The following DCAF1 variants were observed in gnomAD, a reference collection of about 807,000 sequenced individuals.
The protein encoded by DCAF1 is DDB1 and CUL4 associated factor 1.
Under a neutral mutation model 128.0 loss-of-function variants are expected in DCAF1, and 15 were observed. The observed-to-expected ratio is 0.12, with a 90% CI of 0.08 to 0.18. The LOEUF is 0.18. DCAF1 is among the 10% of genes least tolerant of loss of function. The probability of loss-of-function intolerance (pLI) is 1.00; values close to 1 mark genes in which losing one functional copy is unlikely to be tolerated. For missense variants in DCAF1, 988 were observed against 1,649.5 expected, an observed-to-expected ratio of 0.60 and a Z score of 6.95; for synonymous variants, 610 against 603.0, an observed-to-expected ratio of 1.01 and a Z score of -0.17.
intron 23 of DCAF1, among the ~76,000 whole-genome samples, chr3:51,404,844 A>G (rs998255411): frequency 7.2e-5 from 11 of 152,178 alleles, no homozygotes; most frequent in Non-Finnish European, 1.3e-4. Context: ...GTGGATAAAT[A>G]ACTACTAAGC....
chr3:51,414,122 T>TA (rs1439104289), intron 19 of DCAF1, 79 bp from the exon 20 acceptor site: 41 of 1,454,656 alleles, frequency 2.8e-5, no homozygotes, highest in Middle Eastern at 1.8e-4. Flanking sequence ...AAAATATCAC[T>TA]TTTTTTCCTC....
chr3:51,492,375 A>G (rs995361985), intron 2 of DCAF1, among the ~76,000 whole-genome samples: 1 of 150,876 alleles, frequency 6.6e-6, no homozygotes, highest in Non-Finnish European at 1.5e-5. Context: ...AGAGCTGGGC[A>G]TGGTGGCAGG....
Position 51,483,740 on chromosome 3 carries a change from T to C in DCAF1, c.89A>G (p.Asp30Gly). 1.2e-6 allele frequency: 2 copies of C among 1,613,740 alleles called. No homozygotes were observed. Among genetic ancestry groups the C allele is most frequent in the South Asian group, 2.2e-5 (2 of 91,080 alleles). The stretch of plus-strand genomic sequence containing the variant: ...ATACCTGGTAAGGATAGGTACCATG[T>C]CCTGCCCACTGCCATGTTCCTTTTC... ...QWEKEHGSGQ[D>G]MVPILTRMSQ... Residue 30 changes from aspartate to glycine, a missense_variant, in exon 3 of 25, where the codon GAC (aspartate) becomes GGC (glycine). By Grantham distance (94) the Asp-to-Gly change is moderately conservative. This residue lies in a region of DCAF1 where 48 missense variants were observed against 52.6 expected (regional missense o/e 0.91). Transcript: ENST00000684031.
upstream of DCAF1, among the ~76,000 whole-genome samples, chr3:51,503,764 C>T (rs1708875945): frequency 6.6e-6 from 1 of 152,188 alleles, no homozygotes; most frequent in African/African-American, 2.4e-5. Flanking sequence ...AACGCCACAT[C>T]ATTTCCCAAA....
upstream of DCAF1, among the ~76,000 whole-genome samples, chr3:51,500,221 G>A (rs1553663734): frequency 6.7e-6 from 1 of 149,412 alleles, no homozygotes; most frequent in Non-Finnish European, 1.5e-5. Context: ...AGTCCCAATT[G>A]ACGCATGAGC....
chr3:51,407,023 G>A (rs1453232436), intron 23 of DCAF1, among the ~76,000 whole-genome samples: 7 of 152,032 alleles, frequency 4.6e-5, no homozygotes, highest in South Asian at 2.1e-4. Context: ...GTGAAACCTC[G>A]TCTCTACTAA....
intron 13 of DCAF1, among the ~76,000 whole-genome samples, chr3:51,426,630 T>C (rs937956828): frequency 6.6e-6 from 1 of 152,208 alleles, no homozygotes; most frequent in Non-Finnish European, 1.5e-5. Context: ...TAAAGGTATC[T>C]TGAAACCAAA....
In DCAF1 at chr3:51,440,428, G is replaced by C. The variant is rs1701259838; in HGVS notation, c.1128+542C>G. Reference sequence around the variant, plus strand: ...GTTTAAGACCAGCCTGGGCAACATAGCAAGACTATCTCTATAAAAATTTTT... The same window carrying C: ...GTTTAAGACCAGCCTGGGCAACATACCAAGACTATCTCTATAAAAATTTTT... On this transcript the variant is annotated intron_variant, in intron 9 of 24. Transcript: ENST00000684031. Among the ~76,000 whole-genome samples the C allele has an allele frequency of 1.3e-5, 2 of 152,116 alleles. 1 individual carries two copies. Among genetic ancestry groups the C allele is most frequent in the South Asian group, 4.1e-4 (2 of 4,824 alleles).
chr3:51,476,492 A>G (rs1705458135), intron 3 of DCAF1, among the ~76,000 whole-genome samples: 1 of 149,884 alleles, frequency 6.7e-6, no homozygotes, highest in South Asian at 2.1e-4. Flanking sequence ...CTCAAGTTCT[A>G]CTATAACTTG....
At chr3:51,464,452 T>C (rs1344322830) in intron 5 of DCAF1, among the ~76,000 whole-genome samples, 2 of 151,960 alleles carry the variant, frequency 1.3e-5, no homozygotes, top group African/African-American at 4.8e-5. Context: ...CCCAGCACAT[T>C]GGGTGGCCAA....
chr3:51,403,018 G>T, intron 24 of DCAF1, 125 bp downstream of exon 24: 1 of 1,439,908 alleles, frequency 6.9e-7, no homozygotes, highest in South Asian at 1.5e-5. Flanking sequence ...CAAGAGACCA[G>T]AGTAGTGAAT....
Sources: gnomAD v4.1 joint callset for allele counts (sites outside exome capture counted in the v4.1 genomes callset) on GRCh38, gnomAD v4.1.1 for gene constraint, gnomAD v4.1.1 regional missense constraint, MANE v1.5 for transcripts, NCBI Gene and HGNC (gene_info 2026-07-23, HGNC 2026-07-21) for gene names.